The following SPON1 variants were observed in gnomAD, a reference collection of about 807,000 sequenced individuals.
SPON1 encodes spondin-1.
A neutral mutation model predicts 111.7 loss-of-function variants in SPON1; 52 were observed. That is an observed-to-expected ratio of 0.47 (90% CI 0.37 to 0.59). The LOEUF (loss-of-function observed/expected upper bound fraction) is 0.59, where lower values mean the gene tolerates loss of function less well. SPON1 is among the 20% of genes least tolerant of loss of function. The pLI, the probability that SPON1 is intolerant of heterozygous loss-of-function variation, is 0.00. For synonymous variants in SPON1, 410 were observed against 395.8 expected, an observed-to-expected ratio of 1.04 and a Z score of -0.43; for missense variants, 957 against 1,068.5, an observed-to-expected ratio of 0.90 and a Z score of 1.46.
chr11:14,250,337 C>G (rs1239228708), intron 7 of SPON1, among the ~76,000 whole-genome samples: 2 of 143,802 alleles, frequency 1.4e-5, no homozygotes, highest in East Asian at 3.9e-4. Context: ...TTTCTATGAT[C>G]TGGTTATTTT....
Position 14,141,146 on chromosome 11 carries a change from G to A in SPON1, c.825+5578G>A, listed in dbSNP as rs551366131. 5.7e-4 allele frequency among the ~76,000 whole-genome samples: 86 copies of A among 151,330 alleles called. 1 individual carries two copies. Among genetic ancestry groups the A allele is most frequent in the Admixed American group, 1.9e-3 (28 of 15,116 alleles). On this transcript the variant is annotated intron_variant, in intron 6 of 15. Transcript: ENST00000576479. ...GTCCAGGGCCCCAACAGCTCACCAC[G>A]CACTAGCTCCTGCTTACTGTTCTGA...
At chr11:14,254,039 G>T (rs1468752196) in intron 7 of SPON1, among the ~76,000 whole-genome samples, 1 of 152,226 alleles carries the variant, frequency 6.6e-6, no homozygotes, top group East Asian at 1.9e-4. Context: ...TCGGCCAAAG[G>T]TCTCTGACTC....
chr11:14,224,778 T>A (rs1173091504), intron 6 of SPON1: 3 of 497,706 alleles, frequency 6.0e-6, no homozygotes, highest in African/African-American at 1.9e-5. Flanking sequence ...GAGAAGTAGG[T>A]GGGGCCAAAG....
chr11:14,264,591 C>A (rs1849241151), intron 15 of SPON1, among the ~76,000 whole-genome samples: 1 of 152,198 alleles, frequency 6.6e-6, no homozygotes, highest in Admixed American at 6.5e-5. Flanking sequence ...TATCAAAGTG[C>A]TGTCTGTTCT....
At chr11:14,262,623 T>C in intron 14 of SPON1, 89 bp from the exon 15 acceptor site, 1 of 1,536,058 alleles carries the variant, frequency 6.5e-7, no homozygotes, top group Admixed American at 1.7e-5. Context: ...TTTGCATCCC[T>C]CATAGGCTTG....
chr11:14,257,944 A>G, intron 11 of SPON1, 46 bp downstream of exon 11: 1 of 1,475,194 alleles, frequency 6.8e-7, no homozygotes, highest in Non-Finnish European at 9.0e-7. Context: ...GGAGTTCAGG[A>G]AGGGAGGGTC....
chr11:13,988,634 A>C (rs931682609), intron 2 of SPON1, among the ~76,000 whole-genome samples: 1 of 152,214 alleles, frequency 6.6e-6, no homozygotes, highest in African/African-American at 2.4e-5. Flanking sequence ...CCGGTTTTCA[A>C]AGGGAATGCT....
intron 11 of SPON1, among the ~76,000 whole-genome samples, chr11:14,258,230 C>G (rs1021428158): frequency 1.3e-5 from 2 of 152,216 alleles, no homozygotes; most frequent in Non-Finnish European, 1.5e-5. Flanking sequence ...AGCCTGTTAA[C>G]AGTCAGCCCA....
chr11:14,246,299 C>T (rs899287593), intron 7 of SPON1, among the ~76,000 whole-genome samples: 4 of 152,156 alleles, frequency 2.6e-5, no homozygotes, highest in Non-Finnish European at 5.9e-5. Flanking sequence ...TCCAAGTAGG[C>T]GCTGACATTT....
At chr11:14,020,350 G>A (rs1848471824) in intron 2 of SPON1, among the ~76,000 whole-genome samples, 1 of 152,216 alleles carries the variant, frequency 6.6e-6, no homozygotes, top group African/African-American at 2.4e-5. Context: ...TGAGCAGAAT[G>A]AGGCTGTAAA....
intron 5 of SPON1, among the ~76,000 whole-genome samples, chr11:14,090,519 G>C (rs1849042139): frequency 6.6e-6 from 1 of 152,102 alleles, no homozygotes; most frequent in Admixed American, 6.6e-5. Context: ...TCTTCCTTCT[G>C]GTGGGTTCGT....
chr11:14,060,215 T>C (rs1386762879), intron 3 of SPON1, among the ~76,000 whole-genome samples: 4 of 152,320 alleles, frequency 2.6e-5, no homozygotes, highest in African/African-American at 9.6e-5. Flanking sequence ...TGTCAAGATA[T>C]AGAAACTCGG....
rs782606750 is a variant in SPON1, at chr11:14,262,771, A to G, written c.2056A>G (p.Lys686Glu). 1.2e-6 allele frequency: 2 copies of G among 1,613,982 alleles called. No homozygotes were observed. The highest frequency in any genetic ancestry group is 1.7e-6 in the Non-Finnish European group (2 of 1,179,888). Residue 686 changes from lysine (K) to glutamate (E), a missense_variant, in exon 15 of 16, where the codon AAA (lysine) becomes GAA (glutamate). Coordinates refer to ENST00000576479, the MANE Select transcript of SPON1 (RefSeq NM_006108.4). The stretch of plus-strand genomic sequence containing the variant: ...GTCGGAATGTAACAAGTCATGTGGG[A>G]AAGGCCACGTGATTCGAACCCGGAT... ...QWSECNKSCG[K>E]GHVIRTRMIQ... is the part of the protein sequence containing the mutation.
chr11:14,101,425 A>ATT (rs1252173981), intron 5 of SPON1, among the ~76,000 whole-genome samples: 5 of 151,878 alleles, frequency 3.3e-5, no homozygotes, highest in African/African-American at 1.2e-4. Context: ...TTTAAAAATA[A>ATT]TAATAAAATA....
chr11:13,963,743 C>A (rs1306767536), intron 1 of SPON1, among the ~76,000 whole-genome samples: 1 of 152,198 alleles, frequency 6.6e-6, no homozygotes, highest in African/African-American at 2.4e-5. Context: ...CGAAAGGGTC[C>A]TTGGAAAGAA....
intron 3 of SPON1, among the ~76,000 whole-genome samples, chr11:14,071,724 T>A (rs1320910494): frequency 2.0e-5 from 3 of 151,982 alleles, no homozygotes; most frequent in Non-Finnish European, 4.4e-5. Flanking sequence ...TCTAACCTTT[T>A]TTTTTGAGAC....
intron 2 of SPON1, among the ~76,000 whole-genome samples, chr11:14,026,267 T>C (rs1393663000): frequency 1.3e-5 from 2 of 152,272 alleles, no homozygotes; most frequent in African/African-American, 4.8e-5. Flanking sequence ...CACCAGCTGA[T>C]AACCACATTG....
At chr11:14,024,454 A>G (rs373053092) in intron 2 of SPON1, among the ~76,000 whole-genome samples, 1 of 151,822 alleles carries the variant, frequency 6.6e-6, no homozygotes. Flanking sequence ...ATGGAGTGGG[A>G]AGGTGGTCTT....
At chr11:14,256,487 G>T in intron 9 of SPON1, 130 bp from the exon 10 acceptor site, 1 of 605,342 alleles carries the variant, frequency 1.7e-6, no homozygotes, top group Non-Finnish European at 2.9e-6. Context: ...GTAAATGTTG[G>T]TCCAGAACTT....
Sources: allele counts gnomAD v4.1 joint callset (sites outside exome capture counted in the v4.1 genomes callset), GRCh38; gene constraint gnomAD v4.1.1; transcripts MANE v1.5; gene names NCBI Gene and HGNC (gene_info 2026-07-23, HGNC 2026-07-21).